TRPC4AP: variants seen among roughly 807,000 people sequenced by gnomAD.
TRPC4AP encodes short transient receptor potential channel 4-associated protein.
In TRPC4AP, 45 loss-of-function variants were observed where a neutral mutation model predicts 99.0. The observed-to-expected ratio is 0.45, with a 90% CI of 0.36 to 0.58. The LOEUF is 0.58. TRPC4AP is among the 20% of genes least tolerant of loss of function. The pLI is 0.00. For synonymous variants in TRPC4AP, 408 were observed against 385.8 expected, an observed-to-expected ratio of 1.06 and a Z score of -0.67; for missense variants, 879 against 985.3, an observed-to-expected ratio of 0.89 and a Z score of 1.44.
chr20:35,057,126 A>G (rs1376838584), intron 4 of TRPC4AP, among the ~76,000 whole-genome samples: 1 of 152,132 alleles, frequency 6.6e-6, no homozygotes, highest in Non-Finnish European at 1.5e-5. Flanking sequence ...TTTACCATTC[A>G]CACCCTGGTA....
At chr20:35,048,030 T>C (rs998641327) in intron 6 of TRPC4AP, among the ~76,000 whole-genome samples, 1 of 152,054 alleles carries the variant, frequency 6.6e-6, no homozygotes, top group Non-Finnish European at 1.5e-5. Flanking sequence ...CTCACCAACA[T>C]TTGCCCACTC....
At chr20:35,007,475 G>A in intron 14 of TRPC4AP, 75 bp downstream of exon 14, 1 of 1,437,420 alleles carries the variant, frequency 7.0e-7, no homozygotes, top group Non-Finnish European at 9.7e-7. Context: ...AACTGTTTGG[G>A]GCTCAGGACA....
At position 35,086,501 on chromosome 20, in the gene TRPC4AP, A is replaced by G. The variant is rs1387665279; in HGVS notation, c.168+6113T>C. Among the ~76,000 whole-genome samples the G allele has an allele frequency of 1.1e-3, 109 of 102,438 alleles. 6 individuals carry two copies. Among genetic ancestry groups the G allele is most frequent in the African/African-American group, 2.3e-3 (64 of 27,712 alleles). 67.2% of individuals were successfully genotyped at this position (102,438 alleles called of 152,430 possible). A position where few individuals can be genotyped will look rare whatever the true frequency, so the allele number is the denominator to read the frequency against. On this transcript the variant is annotated intron_variant, in intron 1 of 18. Transcript: ENST00000252015. ...TATGTGTGTGTATATATATATGTGT[A>G]TATATATGTGTGTGTGTGTATATAT...
rs8501 is a variant in TRPC4AP at position 35,002,781 on chromosome 20, T to G, written c.*365A>C. 5.2e-6 allele frequency: 1 copy of G among 192,930 alleles called. No individual in the cohort carries two copies. Among genetic ancestry groups the G allele is most frequent in the Non-Finnish European group, 1.1e-5 (1 of 93,752 alleles). The allele number at this position is 192,930 out of a possible 1,614,324, so 12.0% of individuals were successfully genotyped here. A position where few individuals can be genotyped will look rare whatever the true frequency, so the allele number is the denominator to read the frequency against. The stretch of plus-strand genomic sequence containing the variant: ...GGAGGCTTGGCTCACAGATGGGGGG[T>G]GGGGGTCACCCATATCTTCCTCCCC... On this transcript the variant is annotated 3_prime_UTR_variant, in exon 19 of 19. Transcript: ENST00000252015.
intron 3 of TRPC4AP, among the ~76,000 whole-genome samples, chr20:35,062,705 G>A (rs1227126536): frequency 2.0e-5 from 3 of 152,318 alleles, no homozygotes; most frequent in Admixed American, 6.5e-5. Flanking sequence ...GAAATGGGGA[G>A]TGGCTACTGA....
chr20:35,060,276 A>T (rs2083963565), intron 3 of TRPC4AP, among the ~76,000 whole-genome samples: 1 of 152,104 alleles, frequency 6.6e-6, no homozygotes, highest in Non-Finnish European at 1.5e-5. Flanking sequence ...CTAGCAAACA[A>T]AATCCAGACA....
At chr20:35,052,569 C>T (rs1295899389) in intron 5 of TRPC4AP, among the ~76,000 whole-genome samples, 1 of 152,148 alleles carries the variant, frequency 6.6e-6, no homozygotes, top group African/African-American at 2.4e-5. Flanking sequence ...AATCTCAGCT[C>T]ACTGCAACCT....
intron 17 of TRPC4AP, among the ~76,000 whole-genome samples, 173 bp from the exon 18 acceptor site, chr20:35,003,789 C>T (rs1359462823): frequency 6.6e-6 from 1 of 152,158 alleles, no homozygotes; most frequent in Admixed American, 6.5e-5. Context: ...CCCAGCAGCC[C>T]CAGTTTCCTG....
chr20:35,025,918 C>T (rs2083018430), intron 8 of TRPC4AP, among the ~76,000 whole-genome samples: 1 of 152,168 alleles, frequency 6.6e-6, no homozygotes, highest in Admixed American at 6.5e-5. Context: ...TTAGCTCTTA[C>T]ATTTAGGTCT....
intron 1 of TRPC4AP, among the ~76,000 whole-genome samples, chr20:35,088,286 A>T (rs1312188216): frequency 6.6e-6 from 1 of 152,268 alleles, no homozygotes; most frequent in Non-Finnish European, 1.5e-5. Flanking sequence ...AACAGATTAA[A>T]TAACTTGCCT....
At chr20:35,007,520 A>T (rs1384819639) in intron 14 of TRPC4AP, 30 bp downstream of exon 14, 1 of 1,611,550 alleles carries the variant, frequency 6.2e-7, no homozygotes, top group South Asian at 1.1e-5. Context: ...GGGAGACGGA[A>T]CCCAAGACAC....
At chr20:35,089,793 C>T (rs1036782133) in intron 1 of TRPC4AP, among the ~76,000 whole-genome samples, 1 of 152,040 alleles carries the variant, frequency 6.6e-6, no homozygotes, top group African/African-American at 2.4e-5. Flanking sequence ...ATGCAGTGAA[C>T]CGAGATTGCG....
chr20:35,038,278 A>ATTT (rs35478505), intron 7 of TRPC4AP, among the ~76,000 whole-genome samples: 37 of 148,334 alleles, frequency 2.5e-4, no homozygotes, highest in African/African-American at 6.9e-4. Context: ...TTGAGACACC[A>ATTT]TTTTTTTTTT....
At chr20:35,047,339 CT>C (rs143762177) in intron 6 of TRPC4AP, among the ~76,000 whole-genome samples, 1,592 of 152,216 alleles carry the variant, frequency 0.01, 39 homozygotes, top group African/African-American at 0.037. Flanking sequence ...AAATAATTTG[CT>C]TTTTTGAGCT....
rs550164047 is a variant in TRPC4AP at position 35,091,232 on chromosome 20, T to C, written c.168+1382A>G. 2.0e-5 allele frequency among the ~76,000 whole-genome samples: 3 copies of C among 152,044 alleles called. No homozygotes were observed. The East Asian group carries it at 5.8e-4, about 30-fold the overall frequency. ...CTCGAATTCCTGGATTCAAGCGATC[T>C]GCCTGCCTCGGCCTCCCAAAGTGCT... On this transcript the variant is annotated intron_variant, in intron 1 of 18. Transcript: ENST00000252015.
chr20:35,028,162 C>G (rs1459144850), intron 8 of TRPC4AP, among the ~76,000 whole-genome samples: 2 of 152,028 alleles, frequency 1.3e-5, no homozygotes, highest in Non-Finnish European at 2.9e-5. Context: ...TTAGCTGCAT[C>G]CCATAAGTTT....
intron 4 of TRPC4AP, among the ~76,000 whole-genome samples, 163 bp from the exon 5 acceptor site, chr20:35,055,194 T>C (rs2083796426): frequency 6.6e-6 from 1 of 152,240 alleles, no homozygotes; most frequent in Admixed American, 6.5e-5. Context: ...GTTTTCATAG[T>C]GCCCATCAGA....
chr20:35,078,183 C>A lies in TRPC4AP; in HGVS notation c.169-9G>T. ...AAAAAAGTCTCAGTGAACTGTGAGTCAAAAAAAGAGAGAACATATTATTGT... is the reference window on the plus strand; with the variant it reads ...AAAAAAGTCTCAGTGAACTGTGAGTAAAAAAAAGAGAGAACATATTATTGT... On this transcript the variant is annotated splice_polypyrimidine_tract_variant and intron_variant, in intron 1 of 18. Transcript: ENST00000252015. 1.2e-6 allele frequency: 2 copies of A among 1,604,192 alleles called. No individual in the cohort carries two copies. The highest frequency in any genetic ancestry group is 1.7e-5 in the Admixed American group (1 of 57,574).
chr20:35,070,987 C>T (rs1208493308), intron 2 of TRPC4AP, among the ~76,000 whole-genome samples: 2 of 152,154 alleles, frequency 1.3e-5, no homozygotes, highest in African/African-American at 4.8e-5. Flanking sequence ...ATTTCCCTCC[C>T]CTTTAACTTC....
Sources: gnomAD v4.1 joint callset for allele counts (sites outside exome capture counted in the v4.1 genomes callset) on GRCh38, gnomAD v4.1.1 for gene constraint, MANE v1.5 for transcripts, NCBI Gene and HGNC (gene_info 2026-07-23, HGNC 2026-07-21) for gene names.